The following OR9Q1 variants were observed in gnomAD, a reference collection of about 807,000 sequenced individuals.
OR9Q1 encodes olfactory receptor 9Q1.
For synonymous variants in OR9Q1, 153 were observed against 148.6 expected, an observed-to-expected ratio of 1.03 and a Z score of -0.22; for missense variants, 374 against 378.8, an observed-to-expected ratio of 0.99 and a Z score of 0.11.
At chr11:58,035,590 A>T (rs1343870565) in intron 1 of OR9Q1, among the ~76,000 whole-genome samples, 1 of 152,250 alleles carries the variant, frequency 6.6e-6, no homozygotes, top group African/African-American at 2.4e-5. Context: ...AATATGGAAG[A>T]GGAAAATGTT....
chr11:58,166,460 C>T (rs1854505701), intron 2 of OR9Q1, among the ~76,000 whole-genome samples: 1 of 152,164 alleles, frequency 6.6e-6, no homozygotes, highest in African/African-American at 2.4e-5. Context: ...TTCTACTTTA[C>T]AATTACGGAT....
intron 2 of OR9Q1, among the ~76,000 whole-genome samples, chr11:58,162,059 C>T (rs754008127): frequency 6.6e-6 from 1 of 152,198 alleles, no homozygotes; most frequent in Non-Finnish European, 1.5e-5. Context: ...AAATAGCTTA[C>T]TCATGCCATT....
chr11:58,150,365 G>A (rs1214412649), intron 2 of OR9Q1, among the ~76,000 whole-genome samples: 1 of 152,114 alleles, frequency 6.6e-6, no homozygotes. Flanking sequence ...GAGAACCACT[G>A]GTATCAAGCG....
rs1412691432 is a variant in OR9Q1, at chr11:58,154,187, AGGAGGAGAAGGG to A, written c.-14-25232_-14-25221del. Among the ~76,000 whole-genome samples the A allele has an allele frequency of 9.2e-4, 138 of 149,698 alleles. 1 individual carries two copies. The highest frequency in any genetic ancestry group is 3.1e-3 in the African/African-American group (125 of 40,710). On this transcript the variant is annotated intron_variant, in intron 2 of 2. Coordinates refer to ENST00000335397, the MANE Select transcript of OR9Q1 (RefSeq NM_001005212.4). ...GAGGAGGAGAAGGAGGAGGGGAAGG[AGGAGGAGAAGGG>A]GGAGGAGAAGGAGGAAGGAAAGCAA...
At chr11:58,155,660 A>T (rs1164591654) in intron 2 of OR9Q1, among the ~76,000 whole-genome samples, 1 of 152,184 alleles carries the variant, frequency 6.6e-6, no homozygotes, top group Non-Finnish European at 1.5e-5. Flanking sequence ...TGCCTCCATT[A>T]TTCCTGTGAG....
intron 2 of OR9Q1, among the ~76,000 whole-genome samples, chr11:58,140,454 A>T (rs1214764540): frequency 6.6e-6 from 1 of 152,090 alleles, no homozygotes; most frequent in Non-Finnish European, 1.5e-5. Context: ...ATCTTGAATT[A>T]ATTTTTGTAT....
intron 2 of OR9Q1, among the ~76,000 whole-genome samples, chr11:58,123,833 C>T (rs137872774): frequency 9.1e-4 from 138 of 152,262 alleles, no homozygotes; most frequent in Non-Finnish European, 1.4e-3. Flanking sequence ...CTTCTGTGGG[C>T]ATCAAGTATA....
At chr11:58,053,142 A>G (rs1326598388) in intron 1 of OR9Q1, among the ~76,000 whole-genome samples, 1 of 151,778 alleles carries the variant, frequency 6.6e-6, no homozygotes, top group Non-Finnish European at 1.5e-5. Context: ...ATAAAGACAC[A>G]TGCACACGTA....
chr11:58,167,170 A>G (rs1009046925), intron 2 of OR9Q1, among the ~76,000 whole-genome samples: 3 of 152,228 alleles, frequency 2.0e-5, no homozygotes, highest in Non-Finnish European at 4.4e-5. Flanking sequence ...AGTGAAATTA[A>G]TCAGACACGT....
intron 1 of OR9Q1, among the ~76,000 whole-genome samples, chr11:58,032,465 A>C (rs746591457): frequency 1.8e-4 from 27 of 152,216 alleles, no homozygotes; most frequent in Non-Finnish European, 2.4e-4. Flanking sequence ...ATAAAACTGT[A>C]CATTGCTACC....
At chr11:58,169,846 T>C (rs951264392) in intron 2 of OR9Q1, among the ~76,000 whole-genome samples, 2 of 151,936 alleles carry the variant, frequency 1.3e-5, no homozygotes, top group Non-Finnish European at 1.5e-5. Context: ...AAAGCTGTTT[T>C]TTTTCTTTTT....
intron 2 of OR9Q1, chr11:58,078,525 C>T (rs958335028): frequency 5.3e-5 from 8 of 152,314 alleles, no homozygotes; most frequent in Non-Finnish European, 1.0e-4. Flanking sequence ...CTGAGAAACA[C>T]TAAGAACAAG....
intron 2 of OR9Q1, among the ~76,000 whole-genome samples, chr11:58,161,921 G>C (rs372739552): frequency 3.9e-5 from 6 of 152,178 alleles, no homozygotes; most frequent in Admixed American, 2.6e-4. Flanking sequence ...GAAAGCAACA[G>C]CAAGCTCAAG....
intron 1 of OR9Q1, among the ~76,000 whole-genome samples, chr11:58,027,880 C>G (rs1464123048): frequency 6.6e-6 from 1 of 152,178 alleles, no homozygotes; most frequent in Non-Finnish European, 1.5e-5. Context: ...GGTTCTGGCA[C>G]TCTCTCTCTA....
Position 58,099,672 on chromosome 11 carries a change from C to T in OR9Q1, c.-15+43725C>T, listed in dbSNP as rs548573190. On this transcript the variant is annotated intron_variant, in intron 2 of 2. Transcript: ENST00000335397. Reference sequence around the variant, plus strand: ...TTTTTAATAGTATGGCAGTCTTTGTCTTTTGGTTGATCGGCTTCATCCATT... The same window carrying T: ...TTTTTAATAGTATGGCAGTCTTTGTTTTTTGGTTGATCGGCTTCATCCATT... 4.6e-5 allele frequency among the ~76,000 whole-genome samples: 7 copies of T among 152,180 alleles called. No individual in the cohort carries two copies. In the South Asian group the frequency reaches 1.5e-3, roughly 32 times the overall value.
intron 2 of OR9Q1, among the ~76,000 whole-genome samples, chr11:58,070,975 G>C (rs1458619846): frequency 6.6e-6 from 1 of 152,192 alleles, no homozygotes; most frequent in Non-Finnish European, 1.5e-5. Flanking sequence ...GTCATGGGTT[G>C]ATCTTGTCAG....
chr11:58,064,204 T>C (rs1313700718), intron 2 of OR9Q1, among the ~76,000 whole-genome samples: 1 of 152,210 alleles, frequency 6.6e-6, no homozygotes, highest in Non-Finnish European at 1.5e-5. Flanking sequence ...ATACACTGTG[T>C]CATTTCTTTG....
At chr11:58,171,990 C>T (rs947332165) in intron 2 of OR9Q1, among the ~76,000 whole-genome samples, 2 of 151,946 alleles carry the variant, frequency 1.3e-5, no homozygotes, top group African/African-American at 4.8e-5. Flanking sequence ...GTAATGACAG[C>T]GACAGGGAAG....
Position 58,180,261 on chromosome 11 carries a change from G to A in OR9Q1, c.817G>A (p.Val273Met). ...SDQSSEKNRV[V>M]SVLYTEVIPM... ...TCAGTCTTCGGAGAAGAATCGGGTAGTGTCTGTGCTTTACACAGAGGTCAT... is the reference window on the plus strand; with the variant it reads ...TCAGTCTTCGGAGAAGAATCGGGTAATGTCTGTGCTTTACACAGAGGTCAT... Residue 273 changes from valine to methionine, a missense_variant, in exon 3 of 3, where the codon GTG becomes ATG. Physicochemically the swap from Val to Met is conservative, Grantham distance 21. Transcript: ENST00000335397. The A allele has an allele frequency of 1.9e-6, 3 of 1,614,118 alleles. No homozygotes were observed. In the South Asian group the frequency reaches 3.3e-5, roughly 18 times the overall value.
Sources: gnomAD v4.1 joint callset for allele counts (sites outside exome capture counted in the v4.1 genomes callset) on GRCh38, gnomAD v4.1.1 for gene constraint, MANE v1.5 for transcripts, NCBI Gene and HGNC (gene_info 2026-07-23, HGNC 2026-07-21) for gene names.